The following MON2 variants were observed in gnomAD, a reference collection of about 807,000 sequenced individuals.
MON2 encodes protein MON2 homolog.
In MON2, 84 loss-of-function variants were observed where a neutral mutation model predicts 208.6. That is an observed-to-expected ratio of 0.40 (90% confidence interval 0.34 to 0.48). MON2 has a LOEUF of 0.48. Among genes scored for constraint, MON2 ranks in the 20% least tolerant of loss-of-function variants. The probability of loss-of-function intolerance (pLI) is 0.59; values close to 1 mark genes in which losing one functional copy is unlikely to be tolerated. For synonymous variants in MON2, 660 were observed against 694.0 expected (o/e 0.95, Z 0.77); for missense variants, 1,611 against 2,015.4 (o/e 0.80, Z 3.84).
At chr12:62,498,774 T>G (rs897904310) in intron 4 of MON2, 145 bp from the exon 5 acceptor site, 28 of 825,692 alleles carry the variant, frequency 3.4e-5, no homozygotes, top group Non-Finnish European at 4.3e-5. Context: ...TTGGATTACA[T>G]CAAAATCTGA....
intron 7 of MON2, among the ~76,000 whole-genome samples, chr12:62,506,859 T>G (rs933896504): frequency 3.9e-5 from 6 of 152,208 alleles, no homozygotes; most frequent in African/African-American, 1.4e-4. Flanking sequence ...TGTTTATAGC[T>G]TCAGTGAAAT....
rs1284187294 is a variant in MON2, at chr12:62,560,647, C to G, written c.3566C>G (p.Pro1189Arg). The G allele has an allele frequency of 6.2e-7, 1 of 1,614,042 alleles. No homozygotes were observed. The highest frequency in any genetic ancestry group is 1.7e-5 in the Admixed American group (1 of 60,004). The change falls in exon 26 of 35, where the codon CCT becomes CGT. Residue 1189 changes from proline (P) to arginine (R), a missense_variant. Coordinates refer to ENST00000393630, the MANE Select transcript of MON2 (RefSeq NM_015026.3). ...GACTCAGATAAGCCTGAGACACCAC[C>G]TGTAGTTAATGTACCTGTGCCTGTT... ...VRDSDKPETP[P>R]VVNVPVPVLI... is the part of the protein sequence containing the mutation.
chr12:62,518,509 C>T (rs574293360), intron 8 of MON2, among the ~76,000 whole-genome samples: 5 of 152,314 alleles, frequency 3.3e-5, no homozygotes, highest in Non-Finnish European at 5.9e-5. Flanking sequence ...TTTACTACTT[C>T]GCTGTTTTCT....
chr12:62,520,252 A>G (rs1242403308), intron 8 of MON2, among the ~76,000 whole-genome samples: 3 of 151,864 alleles, frequency 2.0e-5, no homozygotes, highest in Admixed American at 1.3e-4. Context: ...TTGTGTAGAT[A>G]TTCCAAATGT....
intron 14 of MON2, among the ~76,000 whole-genome samples, chr12:62,536,699 T>TTG (rs2136235698): frequency 6.6e-6 from 1 of 151,864 alleles, no homozygotes; most frequent in African/African-American, 2.4e-5. Context: ...TTTTTGTTTT[T>TTG]TTTTTTTTGA....
intron 8 of MON2, among the ~76,000 whole-genome samples, chr12:62,511,475 T>C (rs1033166360): frequency 6.6e-4 from 101 of 152,280 alleles, no homozygotes; most frequent in African/African-American, 2.2e-3. Flanking sequence ...TATGGTCAAG[T>C]GATCTTTGAA....
At chr12:62,515,772 A>G (rs986657688) in intron 8 of MON2, among the ~76,000 whole-genome samples, 2 of 152,062 alleles carry the variant, frequency 1.3e-5, no homozygotes, top group Admixed American at 6.6e-5. Context: ...CCGAGATCAC[A>G]CAATTGCACT....
intron 23 of MON2, among the ~76,000 whole-genome samples, chr12:62,551,857 T>G (rs2073761232): frequency 6.6e-6 from 1 of 152,224 alleles, no homozygotes; most frequent in Non-Finnish European, 1.5e-5. Context: ...AATTTGAACT[T>G]TAAATTTTCC....
intron 2 of MON2, among the ~76,000 whole-genome samples, chr12:62,486,536 C>A (rs2069806717): frequency 6.6e-6 from 1 of 151,978 alleles, no homozygotes; most frequent in Non-Finnish European, 1.5e-5. Flanking sequence ...AAACTTTATC[C>A]TAGTATTTTT....
intron 2 of MON2, among the ~76,000 whole-genome samples, chr12:62,485,166 C>A (rs2069692919): frequency 6.6e-6 from 1 of 152,156 alleles, no homozygotes; most frequent in Non-Finnish European, 1.5e-5. Context: ...TCCACGTTAG[C>A]CACTTACTCC....
chr12:62,494,189 C>A, intron 3 of MON2, 147 bp downstream of exon 3: 1 of 660,922 alleles, frequency 1.5e-6, no homozygotes. Context: ...AAAATATTGC[C>A]AAATTTTCTC....
chr12:62,488,374 G>A (rs1037075042), intron 2 of MON2, among the ~76,000 whole-genome samples: 5 of 152,052 alleles, frequency 3.3e-5, no homozygotes, highest in Admixed American at 2.0e-4. Context: ...CAAGTAAAGG[G>A]GACTTCTTAA....
intron 19 of MON2, among the ~76,000 whole-genome samples, chr12:62,539,541 A>T (rs984584122): frequency 6.6e-6 from 1 of 151,686 alleles, no homozygotes; most frequent in Non-Finnish European, 1.5e-5. Context: ...TGCTGGGATT[A>T]CAGGCATGAG....
chr12:62,498,507 CTT>C (rs1402756138), intron 4 of MON2, among the ~76,000 whole-genome samples: 5 of 151,920 alleles, frequency 3.3e-5, no homozygotes, highest in African/African-American at 4.8e-5. Context: ...TCTCAATAAA[CTT>C]GAGTTTTAAA....
In MON2 at chr12:62,588,027, G is replaced by A. The variant is rs754898366; in HGVS notation, c.4908-47G>A. 9.4e-6 allele frequency: 12 copies of A among 1,270,690 alleles called. No homozygotes were observed. In the East Asian group the frequency reaches 2.6e-4, roughly 27 times the overall value. 78.7% of individuals were successfully genotyped at this position (1,270,690 alleles called of 1,614,324 possible). ...CTTAGTTTAAAAAACAAACATACCT[G>A]GCAACTTTAAAATCTTAATGGAAAT... On this transcript the variant is annotated intron_variant, in intron 33 of 34. Transcript: ENST00000393630.
intron 4 of MON2, among the ~76,000 whole-genome samples, chr12:62,497,279 C>T (rs896340334): frequency 6.6e-6 from 1 of 151,836 alleles, no homozygotes; most frequent in Non-Finnish European, 1.5e-5. Context: ...CTAACCTGCA[C>T]ATTGTGCACA....
In MON2 at chr12:62,532,645, A is replaced by C; in HGVS notation, c.1608A>C (p.Thr536=). ...CAGAACAGCAGGATTTACAGTCAAC[A>C]TCAGACCAAATGGATAAGGAAATTG... is the stretch of plus-strand genomic sequence containing the variant. The part of the protein sequence containing the change: ...QSTEQQDLQS[T]SDQMDKEIVS... The change falls in exon 12 of 35, where the codon ACA becomes ACC. Residue 536 remains threonine (T), a synonymous_variant. Coordinates refer to ENST00000393630, the MANE Select transcript of MON2 (RefSeq NM_015026.3). The C allele has an allele frequency of 6.2e-7, 1 of 1,612,000 alleles. No individual in the cohort carries two copies. Among genetic ancestry groups the C allele is most frequent in the Non-Finnish European group, 8.5e-7 (1 of 1,178,054 alleles).
At chr12:62,505,504 CA>C (rs2071051426) in intron 7 of MON2, among the ~76,000 whole-genome samples, 1 of 152,034 alleles carries the variant, frequency 6.6e-6, no homozygotes, top group Non-Finnish European at 1.5e-5. Flanking sequence ...AAGGCAGGAA[CA>C]AATCTAAGAG....
chr12:62,521,487 G>T (rs969878355), intron 8 of MON2, among the ~76,000 whole-genome samples: 8 of 152,172 alleles, frequency 5.3e-5, no homozygotes, highest in African/African-American at 1.9e-4. Context: ...AAATAAGTCT[G>T]AAATTGCAGA....
Sources: allele counts gnomAD v4.1 joint callset (sites outside exome capture counted in the v4.1 genomes callset), GRCh38; gene constraint gnomAD v4.1.1; transcripts MANE v1.5; gene names NCBI Gene and HGNC (gene_info 2026-07-23, HGNC 2026-07-21).